The following MACROD2 variants were observed in gnomAD, a reference collection of about 807,000 sequenced individuals.
MACROD2 encodes ADP-ribose glycohydrolase MACROD2.
Under a neutral mutation model 70.4 loss-of-function variants are expected in MACROD2, and 36 were observed. The observed-to-expected ratio is 0.51, with a 90% confidence interval of 0.39 to 0.68. The LOEUF (loss-of-function observed/expected upper bound fraction) is 0.68, where lower values mean the gene tolerates loss of function less well. Ranked by LOEUF, MACROD2 falls within the 30% of genes least tolerant of loss-of-function variation. The probability of loss-of-function intolerance (pLI) is 0.00; values close to 1 mark genes in which losing one functional copy is unlikely to be tolerated. For missense variants in MACROD2, 496 were observed against 538.4 expected, an observed-to-expected ratio of 0.92 and a Z score of 0.78; for synonymous variants, 172 against 178.8, an observed-to-expected ratio of 0.96 and a Z score of 0.30.
chr20:14,561,920 TA>T (rs1979458802), intron 4 of MACROD2, among the ~76,000 whole-genome samples: 1 of 151,892 alleles, frequency 6.6e-6, no homozygotes, highest in Non-Finnish European at 1.5e-5. Flanking sequence ...GAAAATATTC[TA>T]ATCATAATTC....
At chr20:15,398,573 G>A (rs1470231253) in intron 6 of MACROD2, among the ~76,000 whole-genome samples, 1 of 152,170 alleles carries the variant, frequency 6.6e-6, no homozygotes, top group Non-Finnish European at 1.5e-5. Flanking sequence ...TATTATGTCA[G>A]TTAAGAATAG....
chr20:15,878,614 G>A (rs1006896413), intron 9 of MACROD2, among the ~76,000 whole-genome samples: 9 of 152,084 alleles, frequency 5.9e-5, no homozygotes, highest in Non-Finnish European at 1.3e-4. Context: ...AATGGAGTAA[G>A]ACAAATCTGA....
rs115746006 is a variant in MACROD2 at position 14,549,090 on chromosome 20, A to G, written c.301+55582A>G. Among the ~76,000 whole-genome samples the G allele has an allele frequency of 4.8e-3, 727 of 152,294 alleles. 7 individuals are homozygous for G. The highest frequency in any genetic ancestry group is 0.017 in the African/African-American group (704 of 41,568). ...CTAGAAGTCATACCAACAGCACTGAATGGTCCAAGTCATGGAGATCTGGGC... is the reference window on the plus strand; with the variant it reads ...CTAGAAGTCATACCAACAGCACTGAGTGGTCCAAGTCATGGAGATCTGGGC... On this transcript the variant is annotated intron_variant, in intron 4 of 17. Coordinates refer to ENST00000684519, the MANE Select transcript of MACROD2 (RefSeq NM_001351661.2).
At chr20:14,458,185 A>G (rs543053908) in intron 3 of MACROD2, among the ~76,000 whole-genome samples, 2 of 152,222 alleles carry the variant, frequency 1.3e-5, no homozygotes, top group South Asian at 2.1e-4. Flanking sequence ...TAGATGAGGT[A>G]TCTTAAATGA....
chr20:14,460,264 T>C (rs1320683056), intron 3 of MACROD2, among the ~76,000 whole-genome samples: 1 of 152,116 alleles, frequency 6.6e-6, no homozygotes, highest in Non-Finnish European at 1.5e-5. Flanking sequence ...CTGGGTCAAA[T>C]GGTATTTCTG....
At chr20:14,788,593 A>T (rs1397055480) in intron 5 of MACROD2, among the ~76,000 whole-genome samples, 2 of 151,428 alleles carry the variant, frequency 1.3e-5, no homozygotes, top group East Asian at 3.9e-4. Context: ...AAAAAAAAAA[A>T]AAAAAAAGAC....
chr20:15,834,418 C>G (rs2064090336), intron 8 of MACROD2, among the ~76,000 whole-genome samples: 1 of 152,104 alleles, frequency 6.6e-6, no homozygotes, highest in Admixed American at 6.6e-5. Context: ...AGCCTAAATC[C>G]CATTCCCAAC....
chr20:14,731,009 ATG>A (rs1183817425), intron 5 of MACROD2, among the ~76,000 whole-genome samples: 3 of 106,676 alleles, frequency 2.8e-5, no homozygotes, highest in Admixed American at 1.1e-4. Context: ...ACACACACAC[ATG>A]CACACACACA....
intron 6 of MACROD2, among the ~76,000 whole-genome samples, chr20:15,345,496 C>G (rs555934157): frequency 2.0e-5 from 3 of 152,278 alleles, no homozygotes; most frequent in South Asian, 4.1e-4. Context: ...TCAAGGCTGG[C>G]TCCTACTGGC....
intron 8 of MACROD2, among the ~76,000 whole-genome samples, chr20:15,762,534 C>A (rs2051453074): frequency 6.6e-6 from 1 of 152,194 alleles, no homozygotes; most frequent in Admixed American, 6.5e-5. Flanking sequence ...GTTTCCCCAA[C>A]CACTTTGAGC....
chr20:15,967,491 T>C, intron 12 of MACROD2, 62 bp from the exon 13 acceptor site: 2 of 1,325,548 alleles, frequency 1.5e-6, no homozygotes, highest in Non-Finnish European at 2.1e-6. Context: ...ATGTTAGTGC[T>C]GAAAGCTGCT....
chr20:15,699,152 G>C (rs577429032), intron 8 of MACROD2, among the ~76,000 whole-genome samples: 10 of 152,220 alleles, frequency 6.6e-5, no homozygotes, highest in African/African-American at 2.4e-4. Context: ...GCGTTGAAGA[G>C]CCTTGTTTTG....
chr20:15,962,337 A>C (rs952367736), intron 12 of MACROD2, among the ~76,000 whole-genome samples: 2 of 152,220 alleles, frequency 1.3e-5, no homozygotes, highest in Admixed American at 1.3e-4. Flanking sequence ...TATCCAGCTC[A>C]ACAGCTGTAG....
intron 6 of MACROD2, among the ~76,000 whole-genome samples, chr20:15,296,847 G>T (rs1345389042): frequency 6.6e-6 from 1 of 152,212 alleles, no homozygotes; most frequent in Non-Finnish European, 1.5e-5. Context: ...AATCTGAGGT[G>T]CTGGCACCAT....
chr20:14,433,724 T>C (rs1464796102), intron 3 of MACROD2, among the ~76,000 whole-genome samples: 1 of 152,152 alleles, frequency 6.6e-6, no homozygotes, highest in Non-Finnish European at 1.5e-5. Context: ...GAATATTGTC[T>C]CACCAAGACA....
chr20:14,827,028 G>A (rs919837750), intron 5 of MACROD2, among the ~76,000 whole-genome samples: 2 of 152,136 alleles, frequency 1.3e-5, no homozygotes, highest in East Asian at 1.9e-4. Context: ...AATTCAGCAC[G>A]CAGAGTGCAC....
chr20:16,037,022 A>C (rs912398106), intron 15 of MACROD2, among the ~76,000 whole-genome samples: 1 of 151,984 alleles, frequency 6.6e-6, no homozygotes, highest in Non-Finnish European at 1.5e-5. Context: ...ACAGAGCTAC[A>C]ACTTTGATTT....
chr20:15,331,808 ACACACACATG>A (rs1407825481), intron 6 of MACROD2, among the ~76,000 whole-genome samples: 1 of 151,682 alleles, frequency 6.6e-6, no homozygotes, highest in Non-Finnish European at 1.5e-5. Context: ...ATGCAAACAT[ACACACACATG>A]CACACACACA....
intron 6 of MACROD2, among the ~76,000 whole-genome samples, chr20:15,343,809 G>A (rs1163513699): frequency 6.6e-6 from 1 of 152,154 alleles, no homozygotes; most frequent in Non-Finnish European, 1.5e-5. Context: ...TGCATTTAGA[G>A]TGTGATAGAG....
Sources: allele counts gnomAD v4.1 joint callset (sites outside exome capture counted in the v4.1 genomes callset), GRCh38; gene constraint gnomAD v4.1.1; transcripts MANE v1.5; gene names NCBI Gene and HGNC (gene_info 2026-07-23, HGNC 2026-07-21).